Variants in TNNI3K observed in about 807,000 individuals in gnomAD.
The protein encoded by TNNI3K is TNNI3 interacting kinase.
Under a neutral mutation model 114.5 loss-of-function variants are expected in TNNI3K, and 140 were observed. The ratio of observed to expected loss-of-function variants is 1.22; its 90% CI spans 1.07 to 1.41. The LOEUF (loss-of-function observed/expected upper bound fraction) is 1.41. Ranked by LOEUF, TNNI3K falls within the 40% of genes most tolerant of loss-of-function variation. The pLI, the probability that TNNI3K is intolerant of heterozygous loss-of-function variation, is 0.00. For missense variants in TNNI3K, 1,125 were observed against 1,007.6 expected (o/e 1.12, Z -1.58); for synonymous variants, 347 against 347.5 (o/e 1.00, Z 0.02).
At chr1:74,387,132 C>T (rs1359968758) in intron 17 of TNNI3K, among the ~76,000 whole-genome samples, 1 of 152,070 alleles carries the variant, frequency 6.6e-6, no homozygotes, top group African/African-American at 2.4e-5. Context: ...CTATGCTTAC[C>T]TTTGTTCAAA....
intron 20 of TNNI3K, among the ~76,000 whole-genome samples, chr1:74,454,843 G>A (rs1667165486): frequency 6.6e-6 from 1 of 152,108 alleles, no homozygotes; most frequent in Non-Finnish European, 1.5e-5. Flanking sequence ...CACCAACAGT[G>A]TATGAGAGTT....
At chr1:74,306,449 T>C (rs978594367) in intron 5 of TNNI3K, among the ~76,000 whole-genome samples, 8 of 152,206 alleles carry the variant, frequency 5.3e-5, no homozygotes, top group African/African-American at 1.9e-4. Flanking sequence ...TTGCAAAATC[T>C]CCAAACTGCT....
chr1:74,522,947 G>T (rs1042308666), intron 23 of TNNI3K, among the ~76,000 whole-genome samples: 1 of 152,152 alleles, frequency 6.6e-6, no homozygotes, highest in Non-Finnish European at 1.5e-5. Context: ...AAGCCCAACT[G>T]CCCACTGGAA....
At chr1:74,470,251 T>A (rs1667857426) in intron 21 of TNNI3K, 4 of 400,582 alleles carry the variant, frequency 1.0e-5, no homozygotes, top group Middle Eastern at 3.1e-4. Context: ...ATGTAATATA[T>A]ATTTTTCACT....
At chr1:74,491,408 C>T (rs111297364) in intron 22 of TNNI3K, among the ~76,000 whole-genome samples, 336 of 152,226 alleles carry the variant, frequency 2.2e-3, no homozygotes, top group Middle Eastern at 3.4e-3. Context: ...TTATTAGAGA[C>T]GGGGTTTCAC....
intron 17 of TNNI3K, among the ~76,000 whole-genome samples, chr1:74,397,632 T>A (rs1664151878): frequency 6.6e-6 from 1 of 152,198 alleles, no homozygotes; most frequent in South Asian, 2.1e-4. Flanking sequence ...TGAGGAGGCA[T>A]CAAACCATAA....
Position 74,442,339 on chromosome 1 carries a change from C to T in TNNI3K, c.2011+2717C>T, listed in dbSNP as rs528965975. ...ACTGATCATGTGTCTACCCTTAAAT[C>T]AATACCACACTATCTTACTATATTA... On this transcript the variant is annotated intron_variant, in intron 20 of 24. Transcript: ENST00000326637. Among the ~76,000 whole-genome samples, 8 of 152,126 alleles carry T rather than the reference C, an allele frequency of 5.3e-5. 1 individual carries two copies. In the South Asian group the frequency reaches 1.7e-3, roughly 31 times the overall value.
intron 7 of TNNI3K, 147 bp from the exon 8 acceptor site, chr1:74,342,695 C>T (rs1440082886): frequency 1.2e-5 from 12 of 987,960 alleles, no homozygotes; most frequent in African/African-American, 4.9e-5. Flanking sequence ...AAAAATTGGT[C>T]GCCCTTAATT....
intron 23 of TNNI3K, among the ~76,000 whole-genome samples, chr1:74,536,855 C>G (rs996294514): frequency 6.6e-6 from 1 of 152,144 alleles, no homozygotes; most frequent in Non-Finnish European, 1.5e-5. Flanking sequence ...AGCTGCATCA[C>G]TGTATTTTCA....
intron 23 of TNNI3K, among the ~76,000 whole-genome samples, chr1:74,502,721 T>C (rs771272156): frequency 4.6e-5 from 7 of 152,212 alleles, no homozygotes; most frequent in Non-Finnish European, 8.8e-5. Flanking sequence ...CTAACTCTGA[T>C]AGTAGCCACT....
chr1:74,298,281 C>G (rs61776176), intron 5 of TNNI3K, among the ~76,000 whole-genome samples: 2,841 of 152,256 alleles, frequency 0.019, 41 homozygotes, highest in Non-Finnish European at 0.03. Context: ...GTTTGAGTAT[C>G]TTCTTCTCAA....
At chr1:74,482,236 G>T (rs886948298) in intron 21 of TNNI3K, among the ~76,000 whole-genome samples, 1 of 152,120 alleles carries the variant, frequency 6.6e-6, no homozygotes, top group African/African-American at 2.4e-5. Flanking sequence ...TCTAGGTCTA[G>T]ACAGAAACCC....
chr1:74,391,954 A>ATTT (rs1557539031), intron 17 of TNNI3K, among the ~76,000 whole-genome samples: 23 of 93,244 alleles, frequency 2.5e-4, no homozygotes, highest in African/African-American at 1.1e-3. Context: ...GGTACAGCTT[A>ATTT]TTATTTTTTT....
chr1:74,284,397 C>T (rs558626627), intron 5 of TNNI3K, among the ~76,000 whole-genome samples: 59 of 152,284 alleles, frequency 3.9e-4, no homozygotes, highest in African/African-American at 1.1e-3. Flanking sequence ...CTCTCTTTTG[C>T]GGTGACCCTT....
chr1:74,423,639 C>T (rs1458292419), intron 17 of TNNI3K, among the ~76,000 whole-genome samples: 1 of 152,044 alleles, frequency 6.6e-6, no homozygotes, highest in Admixed American at 6.6e-5. Context: ...GCTGTGTTAC[C>T]ATACCGCAGT....
chr1:74,363,332 G>A (rs910856050), intron 11 of TNNI3K, among the ~76,000 whole-genome samples: 1 of 151,998 alleles, frequency 6.6e-6, no homozygotes, highest in Non-Finnish European at 1.5e-5. Context: ...CATGAGGGGG[G>A]AAATCAGGCA....
At chr1:74,433,160 T>C (rs1665972989) in intron 17 of TNNI3K, among the ~76,000 whole-genome samples, 1 of 152,076 alleles carries the variant, frequency 6.6e-6, no homozygotes, top group Non-Finnish European at 1.5e-5. Flanking sequence ...TAATAAACTC[T>C]TGAACTCACC....
At chr1:74,322,313 A>G (rs1026794958) in intron 5 of TNNI3K, among the ~76,000 whole-genome samples, 26 of 152,152 alleles carry the variant, frequency 1.7e-4, no homozygotes, top group African/African-American at 5.1e-4. Flanking sequence ...TGATTTTCCT[A>G]CTTTGTAAGT....
intron 4 of TNNI3K, among the ~76,000 whole-genome samples, chr1:74,256,045 A>G (rs545731487): frequency 2.6e-5 from 4 of 152,298 alleles, no homozygotes; most frequent in African/African-American, 9.6e-5. Context: ...GATTTTGACC[A>G]TTATAAACAA....
Sources: gnomAD v4.1 joint callset for allele counts (sites outside exome capture counted in the v4.1 genomes callset) on GRCh38, gnomAD v4.1.1 for gene constraint, MANE v1.5 for transcripts, NCBI Gene and HGNC (gene_info 2026-07-23, HGNC 2026-07-21) for gene names.